Variants in EXOSC10 observed in about 807,000 individuals in gnomAD.
EXOSC10 encodes exosome complex component 10.
Under a neutral mutation model 126.6 loss-of-function variants are expected in EXOSC10, and 94 were observed. The observed-to-expected ratio is 0.74, with a 90% CI of 0.63 to 0.88. The LOEUF is 0.88. Ranked by LOEUF, EXOSC10 falls within the 40% of genes least tolerant of loss-of-function variation. The pLI, the probability that EXOSC10 is intolerant of heterozygous loss-of-function variation, is 0.00. For synonymous variants in EXOSC10, 395 were observed against 400.8 expected (o/e 0.99, Z 0.17); for missense variants, 1,041 against 1,100.5 (o/e 0.95, Z 0.77).
rs190734558 is a variant in EXOSC10 at position 11,067,497 on chromosome 1, G to A, written c.2627+511C>T. On this transcript the variant is annotated intron_variant, in intron 24 of 24. Transcript: ENST00000376936. Reference sequence around the variant, plus strand: ...CAGGCACCTGTAATCCCAGCTACTCGGGAGGCTGAGGTGAGAGACTTGCTT... The same window carrying A: ...CAGGCACCTGTAATCCCAGCTACTCAGGAGGCTGAGGTGAGAGACTTGCTT... Among the ~76,000 whole-genome samples the A allele has an allele frequency of 7.3e-5, 11 of 150,246 alleles. No homozygotes were observed. In the East Asian group the frequency reaches 1.2e-3, roughly 16 times the overall value.
At chr1:11,071,877 G>A (rs60786969) in intron 20 of EXOSC10, 11,197 of 495,042 alleles carry the variant, frequency 0.023, 1,018 homozygotes, top group African/African-American at 0.19. Flanking sequence ...CAACGAGACA[G>A]CTACAGCACC....
chr1:11,070,700 G>A (rs1321416886), intron 21 of EXOSC10, 200 bp downstream of exon 21: 1 of 568,504 alleles, frequency 1.8e-6, no homozygotes, highest in Non-Finnish European at 3.1e-6. Flanking sequence ...AGTGGAAGAA[G>A]GTTAAGAGGA....
At chr1:11,081,340 G>T (rs1352961505) in intron 10 of EXOSC10, 102 bp from the exon 11 acceptor site, 3 of 1,308,782 alleles carry the variant, frequency 2.3e-6, no homozygotes, top group Non-Finnish European at 3.2e-6. Flanking sequence ...CTTCCAATAT[G>T]AAAGATCCTT....
In EXOSC10 at chr1:11,067,301, G is replaced by A. The variant is rs541379323; in HGVS notation, c.2628-553C>T. Reference sequence around the variant, plus strand: ...CAAAAAATTAGCCGGGCATCATGGCGGGCGCCTGTGGTCCCAGCTACTCGA... The same window carrying A: ...CAAAAAATTAGCCGGGCATCATGGCAGGCGCCTGTGGTCCCAGCTACTCGA... On this transcript the variant is annotated intron_variant, in intron 24 of 24. Coordinates refer to ENST00000376936, the MANE Select transcript of EXOSC10 (RefSeq NM_001001998.3). Among the ~76,000 whole-genome samples, 53 of 152,212 alleles carry A rather than the reference G, an allele frequency of 3.5e-4. No individual in the cohort carries two copies. The South Asian group carries it at 8.7e-3, about 25-fold the overall frequency.
intron 10 of EXOSC10, chr1:11,082,422 G>T: frequency 3.0e-6 from 2 of 671,718 alleles, no homozygotes; most frequent in Non-Finnish European, 4.5e-6. Context: ...CAAAAGACCA[G>T]CATGGGCAAA....
chr1:11,084,949 G>A (rs1197719916), intron 9 of EXOSC10, among the ~76,000 whole-genome samples: 77 of 152,172 alleles, frequency 5.1e-4, no homozygotes, highest in African/African-American at 1.4e-3. Flanking sequence ...GATATATGGC[G>A]TTATTTCTGA....
chr1:11,087,543 A>C lies in EXOSC10; in HGVS notation c.994T>G (p.Ser332Ala), dbSNP rs1456301441. ...FLGLTCLMQISTRTEDFIIDT... is the reference protein window; with the variant it reads ...FLGLTCLMQIATRTEDFIIDT... ...ATGATGAAGTCTTCCGTCCGAGTAG[A>C]AATTTGCATCAGGCAGGTCAGTCCC... The change falls in exon 9 of 25, where the codon TCT becomes GCT. Residue 332 changes from serine (S) to alanine (A), a missense_variant. Ser to Ala is a moderately conservative substitution (Grantham distance 99). Coordinates refer to ENST00000376936, the MANE Select transcript of EXOSC10 (RefSeq NM_001001998.3). The C allele has an allele frequency of 6.2e-7, 1 of 1,614,150 alleles. No homozygotes were observed. The highest frequency in any genetic ancestry group is 1.1e-5 in the South Asian group (1 of 91,082).
In EXOSC10 at chr1:11,091,617, T is replaced by C. The variant is rs373206461; in HGVS notation, c.373-20A>G. 2 of 1,585,360 alleles carry C rather than the reference T, an allele frequency of 1.3e-6. No homozygotes were observed. Among genetic ancestry groups the C allele is most frequent in the Non-Finnish European group, 1.7e-6 (2 of 1,155,746 alleles). ...AATACCCTAAGAGTAGAAGAGGTAC[T>C]GGTTAAGCATTTTTCCTTTTGAGGT... On this transcript the variant is annotated intron_variant, in intron 3 of 24. Transcript: ENST00000376936.
At chr1:11,092,001 C>T (rs1183745995) in intron 3 of EXOSC10, among the ~76,000 whole-genome samples, 1 of 152,084 alleles carries the variant, frequency 6.6e-6, no homozygotes, top group Non-Finnish European at 1.5e-5. Flanking sequence ...AATTACCTAA[C>T]ATTTTAAAGA....
At chr1:11,072,020 C>A in intron 20 of EXOSC10, 67 bp downstream of exon 20, 1 of 1,348,952 alleles carries the variant, frequency 7.4e-7, no homozygotes. Flanking sequence ...TGGCACTTGG[C>A]TGAAACAGCG....
At chr1:11,095,413 T>C (rs1353621899) in intron 3 of EXOSC10, 3 of 185,644 alleles carry the variant, frequency 1.6e-5, no homozygotes, top group East Asian at 2.4e-4. Context: ...CTTTGTTAGT[T>C]ACCATAAGAG....
chr1:11,080,683 A>G (rs1450001912), intron 12 of EXOSC10, 81 bp downstream of exon 12: 1 of 1,600,364 alleles, frequency 6.2e-7, no homozygotes, highest in African/African-American at 1.4e-5. Context: ...TTTCATAGCA[A>G]AAGAAAAAAG....
rs753667446 is a variant in EXOSC10 at position 11,082,723 on chromosome 1, T to G, written c.1245A>C (p.Ser415=). The change falls in exon 10 of 25, where the codon TCA becomes TCC. Residue 415 remains serine (S), a synonymous_variant. Coordinates refer to ENST00000376936, the MANE Select transcript of EXOSC10 (RefSeq NM_001001998.3). ...HLLKLYCNVD[S]NKQYQLADWR... The stretch of plus-strand genomic sequence containing the variant: ...AATCAGCCAGCTGATATTGCTTGTT[T>G]GAGTCCACGTTGCAGTAGAGTTTCA... The G allele has an allele frequency of 1.9e-6, 3 of 1,614,218 alleles. No homozygotes were observed. In the Admixed American group the frequency reaches 5.0e-5, roughly 27 times the overall value.
chr1:11,087,364 G>T, intron 9 of EXOSC10, 84 bp downstream of exon 9: 1 of 1,520,494 alleles, frequency 6.6e-7, no homozygotes, highest in Non-Finnish European at 9.1e-7. Flanking sequence ...GACTGGTCTA[G>T]GTTGAAATAA....
intron 9 of EXOSC10, among the ~76,000 whole-genome samples, chr1:11,087,126 A>T (rs1640538757): frequency 6.6e-6 from 1 of 152,306 alleles, no homozygotes; most frequent in African/African-American, 2.4e-5. Flanking sequence ...TGAAGTCTGA[A>T]ACTGTTATCA....
rs773784614 is a variant in EXOSC10, at chr1:11,077,338, G to C, written c.1879+27C>G. On this transcript the variant is annotated intron_variant, in intron 16 of 24. Transcript: ENST00000376936. ...GGTAGCTGTGTCCCAACCTCTTCGG[G>C]ACAGTCAGGAGGGCTCTCGACTTTA... 3.8e-6 allele frequency: 6 copies of C among 1,598,858 alleles called. No homozygotes were observed. The Middle Eastern group carries it at 5.5e-4, about 147-fold the overall frequency.
chr1:11,067,990 C>A lies in EXOSC10; in HGVS notation c.2627+18G>T. 3 of 1,612,718 alleles carry A rather than the reference C, an allele frequency of 1.9e-6. No individual in the cohort carries two copies. The highest frequency in any genetic ancestry group is 2.5e-6 in the Non-Finnish European group (3 of 1,178,956). ...TTCTCACTGGGCTCCCTGGGCCACA[C>A]CGCCGTCCACCACATACCTGTCTGA... On this transcript the variant is annotated intron_variant, in intron 24 of 24. Transcript: ENST00000376936.
At chr1:11,082,575 C>A in intron 10 of EXOSC10, 113 bp downstream of exon 10, 1 of 1,526,640 alleles carries the variant, frequency 6.6e-7, no homozygotes, top group Non-Finnish European at 8.8e-7. Context: ...AAGCCTGATG[C>A]CATTCATCTC....
chr1:11,071,733 T>A, intron 20 of EXOSC10: 1 of 200,330 alleles, frequency 5.0e-6, no homozygotes, highest in Non-Finnish European at 1.0e-5. Context: ...GCAGGCCCAC[T>A]TGCTGCTGCT....
Sources: gnomAD v4.1 joint callset for allele counts (sites outside exome capture counted in the v4.1 genomes callset) on GRCh38, gnomAD v4.1.1 for gene constraint, MANE v1.5 for transcripts, NCBI Gene and HGNC (gene_info 2026-07-23, HGNC 2026-07-21) for gene names.